The following PAPPA2 variants were observed in gnomAD, a reference collection of about 807,000 sequenced individuals.
PAPPA2 encodes pappalysin-2.
In PAPPA2, 86 loss-of-function variants were observed where a neutral mutation model predicts 176.4. The ratio of observed to expected loss-of-function variants is 0.49; its 90% CI spans 0.41 to 0.58. The LOEUF (loss-of-function observed/expected upper bound fraction) is 0.58, where lower values mean the gene tolerates loss of function less well. Ranked by LOEUF, PAPPA2 falls within the 20% of genes least tolerant of loss-of-function variation. The pLI, the probability that PAPPA2 is intolerant of heterozygous loss-of-function variation, is 0.00. For synonymous variants in PAPPA2, 809 were observed against 852.2 expected, an observed-to-expected ratio of 0.95 and a Z score of 0.88; for missense variants, 2,073 against 2,256.9, an observed-to-expected ratio of 0.92 and a Z score of 1.65.
rs886346201 is a variant in PAPPA2 at position 176,667,650 on chromosome 1, G to A, written c.1992-3320G>A. On this transcript the variant is annotated intron_variant, in intron 3 of 22. Transcript: ENST00000367662. ...GCAGTCAGGCTCCTCCTCTGGAGTG[G>A]GTTTGCTCTGACTGTGGGAAGTGGG... Among the ~76,000 whole-genome samples, 10 of 152,078 alleles carry A rather than the reference G, an allele frequency of 6.6e-5. 1 individual carries two copies. The highest frequency in any genetic ancestry group is 1.5e-4 in the Non-Finnish European group (10 of 68,006).
Position 176,756,043 on chromosome 1 carries a change from C to G in PAPPA2, c.4152-9623C>G, listed in dbSNP as rs186242698. Among the ~76,000 whole-genome samples, 27 of 152,148 alleles carry G rather than the reference C, an allele frequency of 1.8e-4. No individual in the cohort carries two copies. The East Asian group carries it at 5.2e-3, about 29-fold the overall frequency. On this transcript the variant is annotated intron_variant, in intron 14 of 22. Transcript: ENST00000367662. ...GCACAATCTCGGCTCACTGCAATGT[C>G]CATCTCCCGGGTTCAAGCGATTCTC...
chr1:176,613,352 C>T (rs1004228006), intron 3 of PAPPA2, among the ~76,000 whole-genome samples: 1 of 152,160 alleles, frequency 6.6e-6, no homozygotes, highest in Non-Finnish European at 1.5e-5. Flanking sequence ...CCATGGGGAC[C>T]GTCTTGTTCA....
chr1:176,524,153 C>CT (rs995307140), intron 1 of PAPPA2, among the ~76,000 whole-genome samples: 47 of 151,826 alleles, frequency 3.1e-4, no homozygotes, highest in African/African-American at 1.0e-3. Flanking sequence ...CGTTTTCAGA[C>CT]TTTTTTTTTC....
chr1:176,572,526 G>T (rs1006419654), intron 2 of PAPPA2, among the ~76,000 whole-genome samples: 2 of 152,188 alleles, frequency 1.3e-5, no homozygotes, highest in Non-Finnish European at 1.5e-5. Flanking sequence ...ATAGTATTTG[G>T]TTTTGTGTGG....
chr1:176,695,125 C>T (rs373993200), intron 6 of PAPPA2, among the ~76,000 whole-genome samples: 5 of 152,242 alleles, frequency 3.3e-5, no homozygotes, highest in Admixed American at 6.5e-5. Context: ...CTGTTCATTG[C>T]GCTGGAAATA....
intron 4 of PAPPA2, among the ~76,000 whole-genome samples, chr1:176,671,913 G>A (rs1659026515): frequency 1.7e-5 from 2 of 119,952 alleles, no homozygotes; most frequent in Admixed American, 1.9e-4. Flanking sequence ...GACTGTTGTG[G>A]GGTGGGGGGA....
At chr1:176,676,715 AT>A (rs1659317980) in intron 4 of PAPPA2, among the ~76,000 whole-genome samples, 1 of 147,966 alleles carries the variant, frequency 6.8e-6, no homozygotes, top group Admixed American at 6.7e-5. Flanking sequence ...TATATATGTG[AT>A]AAATTGCATA....
chr1:176,623,576 CTCCT>C (rs200667738), intron 3 of PAPPA2, among the ~76,000 whole-genome samples: 10,736 of 84,242 alleles, frequency 0.13, 839 homozygotes, highest in Non-Finnish European at 0.15. Flanking sequence ...CCTTCCTTCC[CTCCT>C]TCCTTCCTTC....
At chr1:176,518,538 G>A (rs1649045476) in intron 1 of PAPPA2, among the ~76,000 whole-genome samples, 1 of 151,948 alleles carries the variant, frequency 6.6e-6, no homozygotes, top group Non-Finnish European at 1.5e-5. Flanking sequence ...GGTTTGAAAG[G>A]AAGCTAAACA....
chr1:176,798,131 G>T (rs1665526270), intron 20 of PAPPA2, among the ~76,000 whole-genome samples: 1 of 152,090 alleles, frequency 6.6e-6, no homozygotes, highest in Non-Finnish European at 1.5e-5. Flanking sequence ...TCTCAAAATT[G>T]AATTATGCAT....
At chr1:176,649,440 T>G (rs932160645) in intron 3 of PAPPA2, among the ~76,000 whole-genome samples, 17 of 151,342 alleles carry the variant, frequency 1.1e-4, no homozygotes, top group South Asian at 2.1e-4. Flanking sequence ...TTGATCTTTA[T>G]GATTTCTTTC....
intron 17 of PAPPA2, among the ~76,000 whole-genome samples, chr1:176,773,203 T>G (rs1302904554): frequency 6.6e-6 from 1 of 152,198 alleles, no homozygotes; most frequent in African/African-American, 2.4e-5. Flanking sequence ...TTAAATTATT[T>G]ACCACGTTAT....
At chr1:176,719,029 G>A (rs946883306) in intron 12 of PAPPA2, among the ~76,000 whole-genome samples, 1 of 151,956 alleles carries the variant, frequency 6.6e-6, no homozygotes, top group African/African-American at 2.4e-5. Context: ...AAAAATCTTG[G>A]ATTTGTATGT....
In PAPPA2 at chr1:176,556,352, C is replaced by T; in HGVS notation, c.30C>T (p.Ser10=). The T allele has an allele frequency of 6.2e-7, 1 of 1,613,872 alleles. No individual in the cohort carries two copies. Among genetic ancestry groups the T allele is most frequent in the Non-Finnish European group, 8.5e-7 (1 of 1,179,902 alleles). The change falls in exon 2 of 23, where the codon AGC becomes AGT. Residue 10 remains serine, a synonymous_variant. Coordinates refer to ENST00000367662, the MANE Select transcript of PAPPA2 (RefSeq NM_020318.3). MMCLKILRI[S]LAILAGWALC... is the part of the protein sequence containing the mutation. ...TGTGCTTAAAGATCCTAAGAATAAGCCTGGCGATTTTGGCTGGGTGGGCAC... is the reference window on the plus strand; with the variant it reads ...TGTGCTTAAAGATCCTAAGAATAAGTCTGGCGATTTTGGCTGGGTGGGCAC...
At chr1:176,706,545 T>C (rs745799234) in intron 10 of PAPPA2, 95 bp downstream of exon 10, 1 of 1,044,874 alleles carries the variant, frequency 9.6e-7, no homozygotes, top group Non-Finnish European at 1.4e-6. Context: ...AGCTTAGTGA[T>C]TATAATAATA....
chr1:176,485,811 G>A (rs770467395), intron 1 of PAPPA2, among the ~76,000 whole-genome samples: 1 of 152,112 alleles, frequency 6.6e-6, no homozygotes, highest in African/African-American at 2.4e-5. Context: ...CAAGAGGAAA[G>A]GCATACAGCT....
chr1:176,678,674 G>T (rs1181086144), intron 4 of PAPPA2, among the ~76,000 whole-genome samples: 1 of 151,364 alleles, frequency 6.6e-6, no homozygotes, highest in Non-Finnish European at 1.5e-5. Flanking sequence ...TAAGAGGAAA[G>T]CAAAATGGCA....
At chr1:176,606,058 T>C (rs553308337) in intron 3 of PAPPA2, among the ~76,000 whole-genome samples, 1 of 151,670 alleles carries the variant, frequency 6.6e-6, no homozygotes, top group African/African-American at 2.4e-5. Flanking sequence ...AAATTATATA[T>C]AATATTTTAT....
chr1:176,636,551 A>G (rs1656710272), intron 3 of PAPPA2, among the ~76,000 whole-genome samples: 1 of 152,154 alleles, frequency 6.6e-6, no homozygotes, highest in African/African-American at 2.4e-5. Flanking sequence ...TATAAGTTGA[A>G]CCTAAATATT....
Sources: allele counts gnomAD v4.1 joint callset (sites outside exome capture counted in the v4.1 genomes callset), GRCh38; gene constraint gnomAD v4.1.1; transcripts MANE v1.5; gene names NCBI Gene and HGNC (gene_info 2026-07-23, HGNC 2026-07-21).